CFAP46: variants seen among roughly 807,000 people sequenced by gnomAD.
CFAP46 encodes cilia and flagella associated protein 46.
CFAP46 carries 245 observed loss-of-function variants against 325.7 expected under a neutral mutation model. The ratio of observed to expected loss-of-function variants is 0.75; its 90% CI spans 0.68 to 0.84. CFAP46 has a LOEUF of 0.84. Ranked by LOEUF, CFAP46 falls within the 40% of genes least tolerant of loss-of-function variation. The pLI, the probability that CFAP46 is intolerant of heterozygous loss-of-function variation, is 0.00. For synonymous variants in CFAP46, 1,523 were observed against 1,495.9 expected, an observed-to-expected ratio of 1.02 and a Z score of -0.42; for missense variants, 3,346 against 3,543.0, an observed-to-expected ratio of 0.94 and a Z score of 1.41.
intron 56 of CFAP46, 70 bp downstream of exon 56, chr10:132,810,880 G>T: frequency 1.4e-6 from 2 of 1,418,868 alleles, no homozygotes. Flanking sequence ...TCCCTTGTGG[G>T]TCCCACGCCC....
chr10:132,870,432 AC>A (rs1453944629), intron 32 of CFAP46, among the ~76,000 whole-genome samples: 79 of 152,320 alleles, frequency 5.2e-4, no homozygotes, highest in African/African-American at 1.8e-3. Flanking sequence ...GTGGAGACAG[AC>A]TGCAAGCTCG....
At chr10:132,861,454 C>A (rs1360983870) in intron 35 of CFAP46, among the ~76,000 whole-genome samples, 1 of 152,234 alleles carries the variant, frequency 6.6e-6, no homozygotes, top group African/African-American at 2.4e-5. Flanking sequence ...GGGGCTCCTG[C>A]TGGCCCCGTC....
At chr10:132,931,243 C>G (rs1198259342) in intron 8 of CFAP46, among the ~76,000 whole-genome samples, 1 of 108,086 alleles carries the variant, frequency 9.3e-6, no homozygotes, top group Non-Finnish European at 1.9e-5. Context: ...CTGGGCCTTC[C>G]CCACACTCCC....
intron 44 of CFAP46, among the ~76,000 whole-genome samples, chr10:132,839,904 G>T (rs1243720336): frequency 6.6e-6 from 1 of 152,172 alleles, no homozygotes; most frequent in African/African-American, 2.4e-5. Context: ...ATTTTGTTAG[G>T]ATTTTTGTGT....
At chr10:132,898,467 C>T (rs1005061316) in intron 24 of CFAP46, 2 of 280,058 alleles carry the variant, frequency 7.1e-6, no homozygotes, top group South Asian at 3.8e-5. Flanking sequence ...TCTCCTTCAA[C>T]CGTCCTCCCT....
Position 132,850,373 on chromosome 10 carries a change from C to T in CFAP46, c.5823G>A (p.Leu1941=). The T allele has an allele frequency of 6.4e-7, 1 of 1,571,812 alleles. No homozygotes were observed. Among genetic ancestry groups the T allele is most frequent in the Middle Eastern group, 1.7e-4 (1 of 5,982 alleles). The change falls in exon 41 of 58, where the codon CTG becomes CTA. Residue 1941 remains leucine, a synonymous_variant. Coordinates refer to ENST00000368586, the MANE Select transcript of CFAP46 (RefSeq NM_001200049.3). ...CCACACAGCCCACGCTCAGCGGCTGCAGGCTCCCCAGCTGTGCCAGTGCCC... is the reference window on the plus strand; with the variant it reads ...CCACACAGCCCACGCTCAGCGGCTGTAGGCTCCCCAGCTGTGCCAGTGCCC... ...AHGALAQLGS[L]QPLSVGCVEI... is the part of the protein sequence containing the mutation.
chr10:132,864,704 T>C (rs1336293457), intron 35 of CFAP46, among the ~76,000 whole-genome samples: 7 of 102,026 alleles, frequency 6.9e-5, no homozygotes, highest in African/African-American at 2.3e-4. Flanking sequence ...TCCCCCTGCC[T>C]GAGACCTGCA....
At chr10:132,898,881 G>A (rs1306103683) in intron 24 of CFAP46, 78 bp downstream of exon 24, 10 of 1,508,624 alleles carry the variant, frequency 6.6e-6, no homozygotes, top group Non-Finnish European at 8.1e-6. Flanking sequence ...TCTTTCTTTG[G>A]GAGTCTCTCC....
At position 132,923,024 on chromosome 10, in the gene CFAP46, G is replaced by A. The variant is rs1591093345; in HGVS notation, c.1257-316C>T. Among the ~76,000 whole-genome samples the A allele has an allele frequency of 2.0e-5, 3 of 152,254 alleles. No homozygotes were observed. The South Asian group carries it at 6.2e-4, about 31-fold the overall frequency. ...TGGGGACAACTTCCTGAAGTGTGGG[G>A]TGTGGTTCCCACAGGCCACGGCGGC... On this transcript the variant is annotated intron_variant, in intron 11 of 57. Transcript: ENST00000368586.
At chr10:132,822,088 T>C (rs1284410841) in intron 50 of CFAP46, among the ~76,000 whole-genome samples, 462 of 145,482 alleles carry the variant, frequency 3.2e-3, no homozygotes, top group Non-Finnish European at 5.7e-3. Context: ...TGCAGTGATG[T>C]GTGCTGTGTG....
At chr10:132,831,382 T>C (rs1273129960) in intron 50 of CFAP46, among the ~76,000 whole-genome samples, 2 of 152,190 alleles carry the variant, frequency 1.3e-5, no homozygotes, top group Non-Finnish European at 2.9e-5. Context: ...TTGATTGTTC[T>C]GTGGCTCCAT....
Position 132,837,456 on chromosome 10 carries a change from C to T in CFAP46, c.6439-542G>A, listed in dbSNP as rs115423550. ...ACCCACCCGTGCATAGACGTGCTCA[C>T]GCGGACATGCACAGACACACACATG... is the stretch of plus-strand genomic sequence containing the variant. On this transcript the variant is annotated intron_variant, in intron 44 of 57. Coordinates refer to ENST00000368586, the MANE Select transcript of CFAP46 (RefSeq NM_001200049.3). 4.0e-3 allele frequency among the ~76,000 whole-genome samples: 598 copies of T among 147,954 alleles called. 2 individuals carry two copies. Among genetic ancestry groups the T allele is most frequent in the African/African-American group, 0.015 (573 of 37,748 alleles).
At position 132,814,726 on chromosome 10, in the gene CFAP46, GA is replaced by G; in HGVS notation, c.7208del (p.Ile2403ThrfsTer7). 1.2e-6 allele frequency: 2 copies of G among 1,613,378 alleles called. No individual in the cohort carries two copies. The highest frequency in any genetic ancestry group is 1.7e-6 in the Non-Finnish European group (2 of 1,179,686). On this transcript the variant is annotated frameshift_variant, in exon 52 of 58. Coordinates refer to ENST00000368586, the MANE Select transcript of CFAP46 (RefSeq NM_001200049.3). LOFTEE classifies it high-confidence loss of function. ...KGRKGSIPRT[I>X]PPDCIIVDSD... is the part of the protein sequence containing the mutation. ...AGTCGACTATGATGCAGTCAGGGGG[GA>G]TGGTCCGGGGGATGCTGCCCTGCAA...
chr10:132,892,209 G>A (rs1369806650), intron 25 of CFAP46, 124 bp downstream of exon 25: 6 of 784,562 alleles, frequency 7.6e-6, no homozygotes, highest in Non-Finnish European at 1.2e-5. Context: ...ACATTATCTG[G>A]AGTTACTGCC....
rs1407341182 is a variant in CFAP46 at position 132,924,868 on chromosome 10, GTA to G, written c.1082_1083del (p.Ile361ThrfsTer122). ...RAAVEAQLDI[I>X]QRLDVALQRA... is the part of the protein sequence containing the mutation. ...CGCTGCAGCGCGACGTCTAGCCTCT[GTA>G]TGATATCCAGCTGGGCCTGCGGAGA... On this transcript the variant is annotated frameshift_variant, in exon 11 of 58. Transcript: ENST00000368586. LOFTEE classifies it high-confidence loss of function. The G allele has an allele frequency of 2.1e-6, 3 of 1,397,286 alleles. No individual in the cohort carries two copies. The African/African-American group carries it at 4.5e-5, about 21-fold the overall frequency. 86.6% of individuals were successfully genotyped at this position (1,397,286 alleles called of 1,614,324 possible).
chr10:132,861,695 G>C (rs903344827), intron 35 of CFAP46, among the ~76,000 whole-genome samples: 2 of 152,228 alleles, frequency 1.3e-5, no homozygotes, highest in African/African-American at 2.4e-5. Context: ...AGCGGTGGCG[G>C]GAAAGCCGGT....
chr10:132,859,293 C>T (rs2135217152), intron 37 of CFAP46, 46 bp from the exon 38 acceptor site: 2 of 1,502,224 alleles, frequency 1.3e-6, no homozygotes, highest in South Asian at 1.2e-5. Flanking sequence ...GCCCCAGGGC[C>T]GCGTCAGGGC....
intron 25 of CFAP46, among the ~76,000 whole-genome samples, chr10:132,887,399 T>C (rs1849161866): frequency 1.3e-5 from 1 of 79,674 alleles, no homozygotes; most frequent in African/African-American, 1.0e-4. Context: ...CTCTCTCGCT[T>C]CTCTCTCTCC....
chr10:132,819,284 T>C (rs1378670183), intron 50 of CFAP46, among the ~76,000 whole-genome samples: 1 of 152,218 alleles, frequency 6.6e-6, no homozygotes, highest in Non-Finnish European at 1.5e-5. Context: ...TATCCTGTGT[T>C]CATGGATTGG....
Sources: allele counts gnomAD v4.1 joint callset (sites outside exome capture counted in the v4.1 genomes callset), GRCh38; gene constraint gnomAD v4.1.1; transcripts MANE v1.5; gene names NCBI Gene and HGNC (gene_info 2026-07-23, HGNC 2026-07-21).